The following TIPRL variants were observed in gnomAD, a reference collection of about 807,000 sequenced individuals.
TIPRL encodes the protein TIP41-like protein.
A neutral mutation model predicts 32.3 loss-of-function variants in TIPRL; 10 were observed. That is an observed-to-expected ratio of 0.31 (90% CI 0.19 to 0.52). The LOEUF is 0.52. Ranked by LOEUF, TIPRL falls within the 20% of genes least tolerant of loss-of-function variation. The pLI is 0.96. For synonymous variants in TIPRL, 100 were observed against 114.0 expected (o/e 0.88, Z 0.78); for missense variants, 250 against 328.1 (o/e 0.76, Z 1.84).
At chr1:168,182,669 T>C (rs1699982796) in intron 1 of TIPRL, among the ~76,000 whole-genome samples, 1 of 152,206 alleles carries the variant, frequency 6.6e-6, no homozygotes. Flanking sequence ...AGAAACTCTA[T>C]ATTTAGAACA....
In TIPRL at chr1:168,179,139, C is replaced by T; in HGVS notation, c.62C>T (p.Thr21Met). Residue 21 changes from threonine (T) to methionine (M), a missense_variant, in exon 1 of 7, where the codon ACG becomes ATG. Coordinates refer to ENST00000367833, the MANE Select transcript of TIPRL (RefSeq NM_152902.5). ...TTCTGCTTCGGGCCCTGGAAGCTGA[C>T]GGCGTCCAAGACCCACATCATGAAG... Reference protein sequence around the residue: ...RDFCFGPWKLTASKTHIMKSA... With the variant: ...RDFCFGPWKLMASKTHIMKSA... 3 of 1,613,982 alleles carry T rather than the reference C, an allele frequency of 1.9e-6. No homozygotes were observed. The highest frequency in any genetic ancestry group is 1.6e-4 in the Middle Eastern group (1 of 6,062).
At chr1:168,197,712 T>C (rs983880355) in intron 5 of TIPRL, among the ~76,000 whole-genome samples, 1 of 151,768 alleles carries the variant, frequency 6.6e-6, no homozygotes, top group Non-Finnish European at 1.5e-5. Flanking sequence ...TTTAATGGAG[T>C]GATGGGGTTT....
At chr1:168,191,858 C>CA (rs60988834) in intron 4 of TIPRL, among the ~76,000 whole-genome samples, 5,962 of 38,206 alleles carry the variant, frequency 0.16, 487 homozygotes, top group African/African-American at 0.27. Flanking sequence ...GGCGACAGAG[C>CA]AAAAAAAAAA....
Position 168,183,947 on chromosome 1 carries a change from T to A in TIPRL, c.150T>A (p.Phe50Leu), listed in dbSNP as rs576096534. The change falls in exon 2 of 7, where the codon TTT becomes TTA. Residue 50 changes from phenylalanine to leucine, a missense_variant. Phe to Leu is a conservative substitution (Grantham distance 22, BLOSUM62 0). Transcript: ENST00000367833. The stretch of plus-strand genomic sequence containing the variant: ...TGCCATCTCTCCCTGAAATGATGTT[T>A]GGAGACAACGTTTTAAGAATCCAGC... ...LHMPSLPEMMFGDNVLRIQHG... is the reference protein window; with the variant it reads ...LHMPSLPEMMLGDNVLRIQHG... 1 of 1,614,098 alleles carries A rather than the reference T, an allele frequency of 6.2e-7. No individual in the cohort carries two copies. The highest frequency in any genetic ancestry group is 1.7e-5 in the Admixed American group (1 of 60,016).
At chr1:168,184,471 T>G (rs1453039027) in intron 2 of TIPRL, among the ~76,000 whole-genome samples, 9 of 152,194 alleles carry the variant, frequency 5.9e-5, no homozygotes, top group Non-Finnish European at 2.9e-5. Context: ...TCTTTGATAG[T>G]CAAATCAGCA....
chr1:168,179,452 G>A (rs1215399202), intron 1 of TIPRL, among the ~76,000 whole-genome samples: 2 of 152,028 alleles, frequency 1.3e-5, no homozygotes, highest in Non-Finnish European at 1.5e-5. Context: ...CTCACCAAAC[G>A]TCTCCTCCTG....
intron 3 of TIPRL, among the ~76,000 whole-genome samples, chr1:168,187,072 C>A (rs1226255114): frequency 2.0e-5 from 3 of 152,202 alleles, no homozygotes; most frequent in Non-Finnish European, 2.9e-5. Flanking sequence ...ATTTCTTGAG[C>A]TCTTGCTCTA....
intron 2 of TIPRL, among the ~76,000 whole-genome samples, chr1:168,184,394 TG>T (rs1193170990): frequency 6.6e-6 from 1 of 152,214 alleles, no homozygotes; most frequent in African/African-American, 2.4e-5. Flanking sequence ...TAAGAAAAAA[TG>T]TTTACTTATG....
chr1:168,191,904 A>G (rs184945847), intron 4 of TIPRL, among the ~76,000 whole-genome samples: 1 of 150,858 alleles, frequency 6.6e-6, no homozygotes, highest in Non-Finnish European at 1.5e-5. Flanking sequence ...CTTTAACATG[A>G]TGTCATGTAC....
In TIPRL at chr1:168,199,905, T is replaced by C. The variant is rs537102620; in HGVS notation, c.678T>C (p.His226=). 113 of 1,612,056 alleles carry C rather than the reference T, an allele frequency of 7.0e-5. 1 individual carries two copies. In the South Asian group the frequency reaches 1.1e-3, roughly 15 times the overall value. Residue 226 remains histidine (H), a splice_region_variant and synonymous_variant, in exon 7 of 7, where the codon CAT becomes CAC. Transcript: ENST00000367833. ...SRESKISSLM[H]VPPSLFTEPN... ...AATATGATTTATGTATTTCCTAGCA[T>C]GTTCCACCTTCCCTCTTCACGGAAC...
chr1:168,181,570 T>C (rs1461753490), intron 1 of TIPRL, among the ~76,000 whole-genome samples: 1 of 151,262 alleles, frequency 6.6e-6, no homozygotes, highest in African/African-American at 2.4e-5. Flanking sequence ...AATTGCGGTT[T>C]TTAATTGCAA....
chr1:168,192,216 CG>C, intron 4 of TIPRL: 1 of 1,483,310 alleles, frequency 6.7e-7, no homozygotes. Context: ...AGCCTGGTGG[CG>C]GGCACCTGTA....
In TIPRL at chr1:168,178,997, G is replaced by GA; in HGVS notation, c.-80dup. 1 of 1,294,124 alleles carries GA rather than the reference G, an allele frequency of 7.7e-7. No homozygotes were observed. Among genetic ancestry groups the GA allele is most frequent in the South Asian group, 1.4e-5 (1 of 73,258 alleles). 80.2% of individuals were successfully genotyped at this position (1,294,124 alleles called of 1,614,324 possible). On this transcript the variant is annotated 5_prime_UTR_variant, in exon 1 of 7. Coordinates refer to ENST00000367833, the MANE Select transcript of TIPRL (RefSeq NM_152902.5). ...CTCGGAAGCCTAGGAGGCTGGGCCG[G>GA]AGGGAGGCGGAGGAACCGGTGTTCG...
At chr1:168,192,211 G>T in intron 4 of TIPRL, 2 of 1,489,506 alleles carry the variant, frequency 1.3e-6, no homozygotes, top group South Asian at 1.3e-5. Flanking sequence ...TTTTCAGCCT[G>T]GTGGCGGGCA....
chr1:168,196,980 T>C (rs1336249962), intron 5 of TIPRL, among the ~76,000 whole-genome samples: 1 of 152,212 alleles, frequency 6.6e-6, no homozygotes, highest in Non-Finnish European at 1.5e-5. Context: ...TTATGTAATG[T>C]CCTGATGTAC....
At chr1:168,190,166 A>T (rs1354106257) in intron 3 of TIPRL, among the ~76,000 whole-genome samples, 1 of 151,946 alleles carries the variant, frequency 6.6e-6, no homozygotes, top group Non-Finnish European at 1.5e-5. Flanking sequence ...GATGCAGGGG[A>T]CTGGTTATAT....
chr1:168,181,573 A>G (rs1424536335), intron 1 of TIPRL, among the ~76,000 whole-genome samples: 1 of 149,162 alleles, frequency 6.7e-6, no homozygotes, highest in African/African-American at 2.5e-5. Context: ...TGCGGTTTTT[A>G]ATTGCAAAAC....
At chr1:168,185,114 C>A (rs1475640757) in intron 3 of TIPRL, among the ~76,000 whole-genome samples, 1 of 152,168 alleles carries the variant, frequency 6.6e-6, no homozygotes, top group Non-Finnish European at 1.5e-5. Flanking sequence ...CAACGGCAGA[C>A]GGCCTTGTTG....
At chr1:168,193,231 G>A (rs982008374) in intron 4 of TIPRL, among the ~76,000 whole-genome samples, 5 of 151,970 alleles carry the variant, frequency 3.3e-5, no homozygotes, top group Non-Finnish European at 7.4e-5. Flanking sequence ...AATAAAATTA[G>A]TTTTTTCGGT....
Sources: gnomAD v4.1 joint callset for allele counts (sites outside exome capture counted in the v4.1 genomes callset) on GRCh38, gnomAD v4.1.1 for gene constraint, MANE v1.5 for transcripts, NCBI Gene and HGNC (gene_info 2026-07-23, HGNC 2026-07-21) for gene names.